CGNL1: variants seen among roughly 807,000 people sequenced by gnomAD.
CGNL1 encodes cingulin-like protein 1.
In CGNL1, 132 loss-of-function variants were observed where a neutral mutation model predicts 141.2. That is an observed-to-expected ratio of 0.93 (90% CI 0.81 to 1.08). The LOEUF (loss-of-function observed/expected upper bound fraction) is 1.08. CGNL1 is among the 50% of genes least tolerant of loss of function. The probability of loss-of-function intolerance (pLI) is 0.00; values close to 1 mark genes in which losing one functional copy is unlikely to be tolerated. For missense variants in CGNL1, 1,870 were observed against 1,588.6 expected (o/e 1.18, Z -3.01); for synonymous variants, 690 against 622.1 (o/e 1.11, Z -1.63).
rs1445903268 is a variant in CGNL1 at position 57,461,807 on chromosome 15, G to C, written c.2318G>C (p.Ser773Thr). The C allele has an allele frequency of 3.1e-6, 5 of 1,614,122 alleles. No homozygotes were observed. The highest frequency in any genetic ancestry group is 4.2e-6 in the Non-Finnish European group (5 of 1,180,018). The change falls in exon 8 of 19, where the codon AGC becomes ACC. Residue 773 changes from serine to threonine, a missense_variant. Physicochemically the swap from Ser to Thr is moderately conservative, Grantham distance 58. Coordinates refer to ENST00000281282, the MANE Select transcript of CGNL1 (RefSeq NM_032866.5). ...GGAGCCCTGAAAGAAGAGGTTTCCA[G>C]CCATGATCAGGAGATGGACAAGCTG... ...LKGALKEEVS[S>T]HDQEMDKLKE...
intron 8 of CGNL1, among the ~76,000 whole-genome samples, chr15:57,502,333 A>C (rs1230030604): frequency 6.6e-6 from 1 of 152,176 alleles, no homozygotes; most frequent in African/African-American, 2.4e-5. Flanking sequence ...GCTGTGGGAA[A>C]ATGGAAAGGC....
intron 12 of CGNL1, among the ~76,000 whole-genome samples, chr15:57,527,026 G>A (rs1278245753): frequency 6.6e-6 from 1 of 152,156 alleles, no homozygotes; most frequent in Non-Finnish European, 1.5e-5. Flanking sequence ...CCAATTTTGT[G>A]AATGAGGAAA....
chr15:57,424,961 A>C (rs1294517753), intron 1 of CGNL1, among the ~76,000 whole-genome samples: 3 of 152,240 alleles, frequency 2.0e-5, no homozygotes, highest in Non-Finnish European at 4.4e-5. Context: ...TTTAATGTGC[A>C]GATGTTTTGG....
rs369204678 is a variant in CGNL1 at position 57,513,253 on chromosome 15, GGTGTGT to G, written c.2404-3490_2404-3485del. Among the ~76,000 whole-genome samples, 565 of 133,990 alleles carry G rather than the reference GGTGTGT, an allele frequency of 4.2e-3. 1 individual carries two copies. The highest frequency in any genetic ancestry group is 1.0e-2 in the African/African-American group (358 of 35,806). The allele number at this position is 133,990 out of a possible 152,430, so 87.9% of individuals were successfully genotyped here. A position where few individuals can be genotyped will look rare whatever the true frequency, so the allele number is the denominator to read the frequency against. ...AGACTTTCATATAAATGTCAATATG[GGTGTGT>G]GTGTGTGTGTGTGTGTGTGTGTGTG... On this transcript the variant is annotated intron_variant, in intron 8 of 18. Transcript: ENST00000281282.
chr15:57,411,278 T>C (rs1253901186), intron 1 of CGNL1, among the ~76,000 whole-genome samples: 4 of 152,184 alleles, frequency 2.6e-5, no homozygotes, highest in Non-Finnish European at 5.9e-5. Context: ...GAGTCACTGC[T>C]GGCTTCATAT....
chr15:57,415,719 G>T (rs1226217348), intron 1 of CGNL1, among the ~76,000 whole-genome samples: 4 of 152,172 alleles, frequency 2.6e-5, no homozygotes, highest in Non-Finnish European at 5.9e-5. Flanking sequence ...CTCCCTCAGT[G>T]CCTGGCACGG....
At chr15:57,414,543 T>C (rs2062827448) in intron 1 of CGNL1, among the ~76,000 whole-genome samples, 1 of 152,146 alleles carries the variant, frequency 6.6e-6, no homozygotes, top group Non-Finnish European at 1.5e-5. Context: ...GTCTGCAGTG[T>C]GGTTAACTGC....
chr15:57,396,454 A>G (rs1389375114), intron 1 of CGNL1, among the ~76,000 whole-genome samples: 2 of 151,312 alleles, frequency 1.3e-5, no homozygotes, highest in Non-Finnish European at 2.9e-5. Flanking sequence ...TTAATTTTTA[A>G]AAGAGACAGG....
At chr15:57,435,293 T>C (rs891540026) in intron 1 of CGNL1, among the ~76,000 whole-genome samples, 1 of 152,046 alleles carries the variant, frequency 6.6e-6, no homozygotes, top group Non-Finnish European at 1.5e-5. Flanking sequence ...GAGAGACTTG[T>C]ATGTATGGTG....
chr15:57,442,383 A>T lies in CGNL1; in HGVS notation c.1708A>T (p.Asn570Tyr). 1 of 1,610,034 alleles carries T rather than the reference A, an allele frequency of 6.2e-7. No individual in the cohort carries two copies. Residue 570 changes from asparagine (N) to tyrosine (Y), a missense_variant, in exon 4 of 19, where the codon AAT (asparagine) becomes TAT (tyrosine). Asn to Tyr is a moderately radical substitution (Grantham distance 143). Transcript: ENST00000281282. ...CTGTCCCTTTTTCAGAAGCACTGAT[A>T]ATGACGATGCTACTAAAAGGAAAGT... ...YNYLKEGSTD[N>Y]DDATKRKVNL... is the part of the protein sequence containing the mutation.
chr15:57,503,507 C>T (rs1163356259), intron 8 of CGNL1, among the ~76,000 whole-genome samples: 1 of 152,158 alleles, frequency 6.6e-6, no homozygotes, highest in African/African-American at 2.4e-5. Context: ...GGACTGGGCC[C>T]CCTTGTGTGT....
At chr15:57,540,086 G>GC (rs1468899842) in intron 14 of CGNL1, among the ~76,000 whole-genome samples, 2 of 152,062 alleles carry the variant, frequency 1.3e-5, no homozygotes, top group East Asian at 3.9e-4. Flanking sequence ...TGCTTAACCT[G>GC]CCCCCTCACC....
intron 1 of CGNL1, among the ~76,000 whole-genome samples, chr15:57,380,768 G>C (rs1194372564): frequency 1.3e-5 from 2 of 152,170 alleles, no homozygotes; most frequent in African/African-American, 4.8e-5. Flanking sequence ...GTACTTCCTG[G>C]GAGTGGGAAG....
chr15:57,378,374 T>G (rs1346721190), intron 1 of CGNL1, among the ~76,000 whole-genome samples: 10 of 106,772 alleles, frequency 9.4e-5, no homozygotes, highest in South Asian at 3.4e-4. Flanking sequence ...TTTTTTTTTT[T>G]TTTTTTTTTT....
At chr15:57,481,102 T>G (rs2063720857) in intron 8 of CGNL1, among the ~76,000 whole-genome samples, 1 of 145,996 alleles carries the variant, frequency 6.8e-6, no homozygotes, top group Admixed American at 7.1e-5. Context: ...TGGGCAAAGT[T>G]TAAAAAAGAA....
chr15:57,500,548 A>C (rs953597172), intron 8 of CGNL1, among the ~76,000 whole-genome samples: 3 of 152,180 alleles, frequency 2.0e-5, no homozygotes, highest in African/African-American at 7.2e-5. Flanking sequence ...ATCTCGGGGA[A>C]CTGAACATTG....
chr15:57,540,442 A>C (rs1460124408), intron 14 of CGNL1, among the ~76,000 whole-genome samples: 1 of 152,218 alleles, frequency 6.6e-6, no homozygotes, highest in Non-Finnish European at 1.5e-5. Flanking sequence ...CACTGTCACA[A>C]GAACAGCATG....
At chr15:57,408,436 A>G (rs144570416) in intron 1 of CGNL1, among the ~76,000 whole-genome samples, 6 of 152,342 alleles carry the variant, frequency 3.9e-5, no homozygotes, top group African/African-American at 1.4e-4. Flanking sequence ...AGAATCAATT[A>G]TTCAAGAATG....
At chr15:57,443,086 C>T (rs2063210161) in intron 4 of CGNL1, among the ~76,000 whole-genome samples, 1 of 152,140 alleles carries the variant, frequency 6.6e-6, no homozygotes, top group Admixed American at 6.5e-5. Context: ...AGGCTTGGAC[C>T]CAAGCTCTGG....
Sources: allele counts gnomAD v4.1 joint callset (sites outside exome capture counted in the v4.1 genomes callset), GRCh38; gene constraint gnomAD v4.1.1; transcripts MANE v1.5; gene names NCBI Gene and HGNC (gene_info 2026-07-23, HGNC 2026-07-21).